The following ERC1 variants were observed in gnomAD, a reference collection of about 807,000 sequenced individuals.
The protein encoded by ERC1 is ELKS/RAB6-interacting/CAST family member 1.
ERC1 carries 56 observed loss-of-function variants against 132.0 expected under a neutral mutation model. The ratio of observed to expected loss-of-function variants is 0.42; its 90% CI spans 0.34 to 0.53. The LOEUF (loss-of-function observed/expected upper bound fraction) is 0.53, where lower values mean the gene tolerates loss of function less well. Ranked by LOEUF, ERC1 falls within the 20% of genes least tolerant of loss-of-function variation. The pLI is 0.03. For synonymous variants in ERC1, 478 were observed against 476.1 expected (o/e 1.00, Z -0.05); for missense variants, 1,202 against 1,349.9 (o/e 0.89, Z 1.72).
intron 15 of ERC1, among the ~76,000 whole-genome samples, chr12:1,308,442 A>C (rs2081048077): frequency 6.6e-6 from 1 of 152,198 alleles, no homozygotes; most frequent in Non-Finnish European, 1.5e-5. Flanking sequence ...AATTCTTCAA[A>C]CTTGATGGTA....
chr12:996,656 A>G (rs1960979751), intron 1 of ERC1, among the ~76,000 whole-genome samples: 2 of 152,202 alleles, frequency 1.3e-5, no homozygotes, highest in African/African-American at 4.8e-5. Context: ...AAGGAAAGGC[A>G]CATGACTTCT....
chr12:1,301,044 T>C (rs2154345060), intron 15 of ERC1, among the ~76,000 whole-genome samples: 1 of 152,158 alleles, frequency 6.6e-6, no homozygotes, highest in South Asian at 2.1e-4. Context: ...TTGCAGCAAC[T>C]TGGATGGAGC....
In ERC1 at chr12:1,206,839, A is replaced by G. The variant is rs145577635; in HGVS notation, c.2351+16787A>G. Among the ~76,000 whole-genome samples, 855 of 152,208 alleles carry G rather than the reference A, an allele frequency of 5.6e-3. 11 individuals are homozygous for G. The highest frequency in any genetic ancestry group is 0.027 in the Middle Eastern group (8 of 294). On this transcript the variant is annotated intron_variant, in intron 12 of 18. Transcript: ENST00000360905. The stretch of plus-strand genomic sequence containing the variant: ...CCACTGTAGACTTGTTTTTAAAACA[A>G]ATGTTTAGAATATGTGTGATAGTTC...
chr12:1,027,832 A>G lies in ERC1; in HGVS notation c.-72A>G. On this transcript the variant is annotated 5_prime_UTR_variant, in exon 2 of 19. Transcript: ENST00000360905. ...TAAACCAACTTGTAGCCATAGAGAC[A>G]CCTCACAAGGTTCCCATTTTTGTTG... The G allele has an allele frequency of 7.3e-7, 1 of 1,378,934 alleles. No individual in the cohort carries two copies. Among genetic ancestry groups the G allele is most frequent in the Non-Finnish European group, 9.9e-7 (1 of 1,005,404 alleles). The allele number at this position is 1,378,934 out of a possible 1,614,324, so 85.4% of individuals were successfully genotyped here.
chr12:1,243,174 A>AC (rs1208907952), intron 13 of ERC1, among the ~76,000 whole-genome samples: 1 of 149,574 alleles, frequency 6.7e-6, no homozygotes, highest in Non-Finnish European at 1.5e-5. Flanking sequence ...GGCCTGGGCG[A>AC]CAGAGCGAGA....
At chr12:1,172,362 G>A (rs544684712) in intron 8 of ERC1, among the ~76,000 whole-genome samples, 2 of 152,240 alleles carry the variant, frequency 1.3e-5, no homozygotes, top group East Asian at 3.9e-4. Flanking sequence ...CAGCTACTCC[G>A]GAGGCTGAGG....
chr12:1,483,476 C>T (rs2094130507), intron 18 of ERC1, among the ~76,000 whole-genome samples: 1 of 152,212 alleles, frequency 6.6e-6, no homozygotes, highest in South Asian at 2.1e-4. Context: ...ATTTTATACA[C>T]TTCAATTTTT....
intron 2 of ERC1, among the ~76,000 whole-genome samples, chr12:1,065,098 T>C (rs1429082820): frequency 6.6e-6 from 1 of 152,176 alleles, no homozygotes; most frequent in African/African-American, 2.4e-5. Flanking sequence ...CCTCCTGGGT[T>C]CAAGTGATTC....
chr12:1,228,842 G>A (rs1324788607), intron 12 of ERC1, among the ~76,000 whole-genome samples: 2 of 152,104 alleles, frequency 1.3e-5, no homozygotes, highest in East Asian at 3.8e-4. Flanking sequence ...TGTGTATTTT[G>A]AACTATCCTT....
chr12:1,072,580 A>G (rs1235452103), intron 2 of ERC1, among the ~76,000 whole-genome samples: 1 of 135,284 alleles, frequency 7.4e-6, no homozygotes, highest in African/African-American at 2.6e-5. Context: ...TTTGTGTACA[A>G]ATGTTTATAC....
intron 18 of ERC1, among the ~76,000 whole-genome samples, chr12:1,481,995 T>C (rs1324740625): frequency 6.6e-6 from 1 of 152,210 alleles, no homozygotes; most frequent in African/African-American, 2.4e-5. Context: ...GCCATTTTTC[T>C]TTGAACTTAC....
rs528026908 is a variant in ERC1 at position 1,070,340 on chromosome 12, G to T, written c.670-12824G>T. Among the ~76,000 whole-genome samples, 9 of 149,542 alleles carry T rather than the reference G, an allele frequency of 6.0e-5. No homozygotes were observed. In the South Asian group the frequency reaches 8.5e-4, roughly 14 times the overall value. On this transcript the variant is annotated intron_variant, in intron 2 of 18. Coordinates refer to ENST00000360905, the MANE Select transcript of ERC1 (RefSeq NM_178040.4). ...TTTGGAGGCAGGGTCTCACTCTGCCGCCCAGGCTGGAGTATAGTGGCATGA... is the reference window on the plus strand; with the variant it reads ...TTTGGAGGCAGGGTCTCACTCTGCCTCCCAGGCTGGAGTATAGTGGCATGA...
At chr12:1,428,715 T>G (rs2092710324) in intron 17 of ERC1, among the ~76,000 whole-genome samples, 1 of 152,260 alleles carries the variant, frequency 6.6e-6, no homozygotes, top group Non-Finnish European at 1.5e-5. Context: ...ACTGCTTTCA[T>G]TCACTTGTCC....
At chr12:1,480,783 G>T in intron 18 of ERC1, 1 of 701,866 alleles carries the variant, frequency 1.4e-6, no homozygotes. Context: ...AATATCTCGA[G>T]TAATACCTTT....
intron 17 of ERC1, among the ~76,000 whole-genome samples, chr12:1,431,025 T>C (rs1478304493): frequency 6.6e-6 from 1 of 152,162 alleles, no homozygotes; most frequent in Admixed American, 6.6e-5. Context: ...GAGAACACCG[T>C]CTGAATGCCC....
intron 17 of ERC1, among the ~76,000 whole-genome samples, chr12:1,418,604 TTTCTTTC>T (rs2092254207): frequency 3.5e-5 from 2 of 57,128 alleles, no homozygotes; most frequent in African/African-American, 9.2e-5. Flanking sequence ...TCTTTCTTTC[TTTCTTTC>T]TTTCTTTCTT....
At chr12:1,266,541 G>T (rs1280103461) in intron 14 of ERC1, among the ~76,000 whole-genome samples, 1 of 151,054 alleles carries the variant, frequency 6.6e-6, no homozygotes, top group Admixed American at 6.6e-5. Context: ...AGTAGCTGGG[G>T]CTACAAGCAT....
chr12:1,152,050 A>G (rs1950885521), intron 8 of ERC1: 1 of 152,208 alleles, frequency 6.6e-6, no homozygotes, highest in African/African-American at 2.4e-5. Context: ...AATACAAAAA[A>G]TTAGCTGGGA....
rs7980345 is a variant in ERC1 at position 1,339,405 on chromosome 12, A to G, written c.2781-32428A>G. Reference sequence around the variant, plus strand: ...AGTGGCAGAGGCAGCTCAGCTGGACAACTGTGACGGGGTGCTAGCAGGTGC... The same window carrying G: ...AGTGGCAGAGGCAGCTCAGCTGGACGACTGTGACGGGGTGCTAGCAGGTGC... On this transcript the variant is annotated intron_variant, in intron 15 of 18. Coordinates refer to ENST00000360905, the MANE Select transcript of ERC1 (RefSeq NM_178040.4). Among the ~76,000 whole-genome samples the G allele has an allele frequency of 3.9e-3, 438 of 112,030 alleles. 9 individuals carry two copies. Among genetic ancestry groups the G allele is most frequent in the African/African-American group, 0.014 (371 of 26,368 alleles). 73.5% of individuals were successfully genotyped at this position (112,030 alleles called of 152,430 possible).
Sources: gnomAD v4.1 joint callset for allele counts (sites outside exome capture counted in the v4.1 genomes callset) on GRCh38, gnomAD v4.1.1 for gene constraint, MANE v1.5 for transcripts, NCBI Gene and HGNC (gene_info 2026-07-23, HGNC 2026-07-21) for gene names.